Variants in NXN observed in about 807,000 individuals in gnomAD.
NXN encodes the protein nucleoredoxin.
Under a neutral mutation model 48.6 loss-of-function variants are expected in NXN, and 16 were observed. That is an observed-to-expected ratio of 0.33 (90% CI 0.22 to 0.50). The LOEUF (loss-of-function observed/expected upper bound fraction) is 0.50, where lower values mean the gene tolerates loss of function less well. Ranked by LOEUF, NXN falls within the 20% of genes least tolerant of loss-of-function variation. The pLI is 0.98. For synonymous variants in NXN, 281 were observed against 269.6 expected (o/e 1.04, Z -0.41); for missense variants, 492 against 605.5 (o/e 0.81, Z 1.97).
At chr17:965,387 G>A (rs2069289963) in intron 1 of NXN, among the ~76,000 whole-genome samples, 1 of 152,174 alleles carries the variant, frequency 6.6e-6, no homozygotes, top group African/African-American at 2.4e-5. Context: ...AGGAAAAGAA[G>A]GGATCTGTTA....
chr17:903,204 T>G (rs1004432080), intron 1 of NXN, among the ~76,000 whole-genome samples: 12 of 152,064 alleles, frequency 7.9e-5, no homozygotes, highest in African/African-American at 2.9e-4. Flanking sequence ...CAAGTTTTTT[T>G]GTTTTTTTGT....
chr17:838,539 G>T (rs1242809042), intron 1 of NXN, among the ~76,000 whole-genome samples: 1 of 152,228 alleles, frequency 6.6e-6, no homozygotes, highest in Non-Finnish European at 1.5e-5. Flanking sequence ...GTGCCACAGG[G>T]ATGAAAGTGG....
Position 879,625 on chromosome 17 carries a change from G to A in NXN, c.361-53547C>T, listed in dbSNP as rs769589737. 7.2e-5 allele frequency among the ~76,000 whole-genome samples: 11 copies of A among 152,006 alleles called. 1 individual carries two copies. Among genetic ancestry groups the A allele is most frequent in the Non-Finnish European group, 1.3e-4 (9 of 68,022 alleles). ...TAAACCCGTGGAGCTAAAGGTTTCT[G>A]GCAAGCAGGGAAAGGACACGACTCA... is the stretch of plus-strand genomic sequence containing the variant. On this transcript the variant is annotated intron_variant, in intron 1 of 7. Coordinates refer to ENST00000336868, the MANE Select transcript of NXN (RefSeq NM_022463.5).
intron 1 of NXN, among the ~76,000 whole-genome samples, chr17:848,433 G>A (rs932123366): frequency 6.6e-6 from 1 of 152,168 alleles, no homozygotes; most frequent in Non-Finnish European, 1.5e-5. Context: ...GAGCCACTGC[G>A]CCCAGCTGAT....
At chr17:922,891 TCCA>T (rs2068762480) in intron 1 of NXN, among the ~76,000 whole-genome samples, 1 of 151,900 alleles carries the variant, frequency 6.6e-6, no homozygotes, top group African/African-American at 2.4e-5. Flanking sequence ...GACCTCATGA[TCCA>T]CCTGCCTTCG....
At chr17:804,443 C>T (rs964143238) in intron 6 of NXN, among the ~76,000 whole-genome samples, 1 of 152,100 alleles carries the variant, frequency 6.6e-6, no homozygotes, top group African/African-American at 2.4e-5. Context: ...CCACCACACC[C>T]AGGCTCGTAC....
intron 1 of NXN, among the ~76,000 whole-genome samples, chr17:871,383 G>A (rs1164785807): frequency 3.4e-5 from 5 of 148,438 alleles, no homozygotes; most frequent in East Asian, 2.0e-4. Context: ...GTGATAAATC[G>A]CAGCATACGC....
intron 1 of NXN, among the ~76,000 whole-genome samples, chr17:969,584 A>G (rs767265970): frequency 6.6e-6 from 1 of 152,184 alleles, no homozygotes; most frequent in Non-Finnish European, 1.5e-5. Flanking sequence ...GTCCCGCCCA[A>G]TCTTCAGATT....
At chr17:839,549 G>A (rs1210635827) in intron 1 of NXN, among the ~76,000 whole-genome samples, 4 of 151,818 alleles carry the variant, frequency 2.6e-5, no homozygotes, top group African/African-American at 4.8e-5. Context: ...GGCAGCTCAC[G>A]CCTGTAACTT....
At chr17:967,313 G>A (rs760517404) in intron 1 of NXN, among the ~76,000 whole-genome samples, 2 of 152,230 alleles carry the variant, frequency 1.3e-5, no homozygotes, top group Non-Finnish European at 1.5e-5. Flanking sequence ...ACTGCCGATG[G>A]TCCTCAGGCC....
intron 5 of NXN, among the ~76,000 whole-genome samples, chr17:817,417 C>T (rs938182849): frequency 2.6e-5 from 4 of 152,246 alleles, no homozygotes; most frequent in Admixed American, 2.6e-4. Flanking sequence ...CGCCTGTAAT[C>T]CCAGCACTTT....
At chr17:885,764 T>A (rs2068339711) in intron 1 of NXN, among the ~76,000 whole-genome samples, 1 of 139,952 alleles carries the variant, frequency 7.1e-6, no homozygotes, top group African/African-American at 2.7e-5. Context: ...CACTGCAAGC[T>A]CTGCCTCCCG....
chr17:833,057 A>AT (rs556905637), intron 1 of NXN, among the ~76,000 whole-genome samples: 134 of 151,866 alleles, frequency 8.8e-4, no homozygotes, highest in East Asian at 6.0e-3. Flanking sequence ...CGCCCAGCTA[A>AT]TTTTTTGTAT....
chr17:971,769 A>T (rs1263747620), intron 1 of NXN, among the ~76,000 whole-genome samples: 2 of 152,178 alleles, frequency 1.3e-5, no homozygotes, highest in African/African-American at 4.8e-5. Flanking sequence ...ATTTTCCTTG[A>T]TTGTCTTGGA....
intron 1 of NXN, among the ~76,000 whole-genome samples, chr17:954,770 C>T (rs1298714376): frequency 6.6e-6 from 1 of 152,070 alleles, no homozygotes. Flanking sequence ...GCCAAGCCAT[C>T]TGGATGGAAT....
chr17:971,709 C>CA (rs1275705137), intron 1 of NXN, among the ~76,000 whole-genome samples: 7,538 of 137,964 alleles, frequency 0.055, 254 homozygotes, highest in Non-Finnish European at 0.079. Context: ...GACTCCATCT[C>CA]AAAAAAAAAA....
At chr17:945,473 C>G (rs1300223850) in intron 1 of NXN, among the ~76,000 whole-genome samples, 3 of 150,724 alleles carry the variant, frequency 2.0e-5, no homozygotes, top group Non-Finnish European at 4.4e-5. Flanking sequence ...ACTAAAAATA[C>G]GAAAAAAATT....
At chr17:839,246 C>T (rs55700116) in intron 1 of NXN, among the ~76,000 whole-genome samples, 44,183 of 151,300 alleles carry the variant, frequency 0.29, 6,569 homozygotes, top group Middle Eastern at 0.36. Flanking sequence ...ACCAGTGTGG[C>T]CAACATGGTG....
intron 1 of NXN, among the ~76,000 whole-genome samples, chr17:882,410 A>C (rs541529663): frequency 6.6e-6 from 1 of 152,196 alleles, no homozygotes; most frequent in East Asian, 1.9e-4. Flanking sequence ...AATGAGGCGG[A>C]GCCCTCCCCC....
Sources: gnomAD v4.1 joint callset for allele counts (sites outside exome capture counted in the v4.1 genomes callset) on GRCh38, gnomAD v4.1.1 for gene constraint, MANE v1.5 for transcripts, NCBI Gene and HGNC (gene_info 2026-07-23, HGNC 2026-07-21) for gene names.